SYT1: variants seen among roughly 807,000 people sequenced by gnomAD.
SYT1 encodes synaptotagmin-1.
In SYT1, 8 loss-of-function variants were observed where a neutral mutation model predicts 44.8. That is an observed-to-expected ratio of 0.18 (90% CI 0.10 to 0.32). The LOEUF is 0.32. SYT1 is among the 10% of genes least tolerant of loss of function. The pLI, the probability that SYT1 is intolerant of heterozygous loss-of-function variation, is 1.00. For missense variants in SYT1, 286 were observed against 509.3 expected (o/e 0.56, Z 4.22); for synonymous variants, 154 against 188.8 (o/e 0.82, Z 1.51).
At chr12:79,430,157 G>A (rs1392083230) in intron 9 of SYT1, among the ~76,000 whole-genome samples, 1 of 152,176 alleles carries the variant, frequency 6.6e-6, no homozygotes, top group Non-Finnish European at 1.5e-5. Flanking sequence ...GAAAGATGAT[G>A]TTTAGAATTA....
intron 2 of SYT1, among the ~76,000 whole-genome samples, chr12:78,992,123 C>G (rs1870060801): frequency 6.6e-6 from 1 of 152,154 alleles, no homozygotes; most frequent in Non-Finnish European, 1.5e-5. Context: ...TTTACCTATG[C>G]CCTGCATAGC....
chr12:79,301,209 C>T (rs1880133936), intron 8 of SYT1, among the ~76,000 whole-genome samples: 1 of 152,150 alleles, frequency 6.6e-6, no homozygotes, highest in Non-Finnish European at 1.5e-5. Context: ...AGAACATGAA[C>T]CACTGGTACT....
intron 7 of SYT1, among the ~76,000 whole-genome samples, chr12:79,297,228 T>G (rs1879919036): frequency 6.6e-6 from 1 of 152,306 alleles, no homozygotes; most frequent in East Asian, 1.9e-4. Context: ...GTCAGTAATC[T>G]TATTTAAAAT....
At position 79,092,808 on chromosome 12, in the gene SYT1, T is replaced by C. The variant is rs941952401; in HGVS notation, c.-18+45446T>C. ...GCTATAACTGACTGCAAGATGCTTT[T>C]AGAGAAGAAGCAAAACCACTGTCTG... On this transcript the variant is annotated intron_variant, in intron 3 of 10. Transcript: ENST00000261205. Among the ~76,000 whole-genome samples the C allele has an allele frequency of 2.0e-5, 3 of 151,838 alleles. No homozygotes were observed. In the East Asian group the frequency reaches 5.8e-4, roughly 29 times the overall value.
At position 79,249,088 on chromosome 12, in the gene SYT1, C is replaced by CTTTTTTTTTTTTTTTT. The variant is rs58983623; in HGVS notation, c.166+31415_166+31430dup. Among the ~76,000 whole-genome samples the CTTTTTTTTTTTTTTTT allele has an allele frequency of 3.5e-4, 25 of 71,816 alleles. 7 individuals are homozygous for CTTTTTTTTTTTTTTTT. The highest frequency in any genetic ancestry group is 4.9e-4 in the African/African-American group (8 of 16,216). The allele number at this position is 71,816 out of a possible 152,430, so 47.1% of individuals were successfully genotyped here. ...TATTCCCTCTTCTCTTTACCTCTTTCTTTTTTTTTTTTTTTTTTTTTTTTT... is the reference window on the plus strand; with the variant it reads ...TATTCCCTCTTCTCTTTACCTCTTTCTTTTTTTTTTTTTTTTTTTTTTTTTTTTTTTTTTTTTTTTT... On this transcript the variant is annotated intron_variant, in intron 4 of 10. Coordinates refer to ENST00000261205, the MANE Select transcript of SYT1 (RefSeq NM_005639.3).
chr12:79,195,783 T>A (rs1873416265), intron 3 of SYT1, among the ~76,000 whole-genome samples: 1 of 152,194 alleles, frequency 6.6e-6, no homozygotes, highest in South Asian at 2.1e-4. Context: ...TGGGATAAAC[T>A]AAGGAAGAAA....
intron 3 of SYT1, among the ~76,000 whole-genome samples, chr12:79,091,025 A>G (rs1877739387): frequency 6.6e-6 from 1 of 151,948 alleles, no homozygotes; most frequent in African/African-American, 2.4e-5. Context: ...TGTTTGCTTT[A>G]TTAATATATA....
At chr12:79,426,760 ATATAT>A (rs927211672) in intron 9 of SYT1, among the ~76,000 whole-genome samples, 5 of 152,228 alleles carry the variant, frequency 3.3e-5, no homozygotes, top group Admixed American at 2.0e-4. Context: ...ATTAATGTAA[ATATAT>A]TATGATATGG....
rs182755053 is a variant in SYT1 at position 79,029,620 on chromosome 12, T to A, written c.-83-17677T>A. Among the ~76,000 whole-genome samples the A allele has an allele frequency of 8.8e-4, 133 of 151,286 alleles. 1 individual carries two copies. Among genetic ancestry groups the A allele is most frequent in the Non-Finnish European group, 8.2e-4 (55 of 67,376 alleles). On this transcript the variant is annotated intron_variant, in intron 2 of 10. Transcript: ENST00000261205. ...CATGCATGTAATGTTATTCTCTAGCTAAGGAATCCTGAATGAAATTTTATT... is the reference window on the plus strand; with the variant it reads ...CATGCATGTAATGTTATTCTCTAGCAAAGGAATCCTGAATGAAATTTTATT...
At chr12:78,992,325 G>T (rs745583538) in intron 2 of SYT1, among the ~76,000 whole-genome samples, 1 of 152,284 alleles carries the variant, frequency 6.6e-6, no homozygotes, top group Admixed American at 6.5e-5. Flanking sequence ...GGTAGTTATG[G>T]TTTTTCCCAA....
At chr12:78,900,633 A>T (rs1014405702) in intron 1 of SYT1, among the ~76,000 whole-genome samples, 1 of 152,092 alleles carries the variant, frequency 6.6e-6, no homozygotes. Context: ...GGAGAACTGG[A>T]GGAAGGAAGT....
chr12:79,354,464 A>G (rs1883033319), intron 9 of SYT1, among the ~76,000 whole-genome samples: 1 of 152,220 alleles, frequency 6.6e-6, no homozygotes, highest in Non-Finnish European at 1.5e-5. Context: ...AAAATATTGC[A>G]AACTTCAAAA....
At chr12:79,408,131 GCA>G (rs1447022090) in intron 9 of SYT1, among the ~76,000 whole-genome samples, 4 of 152,110 alleles carry the variant, frequency 2.6e-5, no homozygotes, top group African/African-American at 9.7e-5. Context: ...ACAGGAGATG[GCA>G]GTAGCAGCCA....
At chr12:79,330,882 G>C (rs1408569053) in intron 8 of SYT1, among the ~76,000 whole-genome samples, 22 of 152,108 alleles carry the variant, frequency 1.4e-4, no homozygotes, top group Admixed American at 1.4e-3. Flanking sequence ...TTTGAACCCA[G>C]GAGACTAACT....
At chr12:78,963,977 A>C (rs891230451) in intron 1 of SYT1, 2 of 152,318 alleles carry the variant, frequency 1.3e-5, no homozygotes, top group African/African-American at 4.8e-5. Context: ...ACAATGGACT[A>C]CTGTTCCACT....
At chr12:78,875,931 A>C (rs1874043703) in intron 1 of SYT1, among the ~76,000 whole-genome samples, 1 of 151,550 alleles carries the variant, frequency 6.6e-6, no homozygotes, top group Non-Finnish European at 1.5e-5. Flanking sequence ...AATCTTAATA[A>C]TTCTTTCCCT....
intron 3 of SYT1, among the ~76,000 whole-genome samples, chr12:79,053,014 C>A (rs1254994100): frequency 6.6e-6 from 1 of 152,138 alleles, no homozygotes; most frequent in Non-Finnish European, 1.5e-5. Context: ...TGGGTATACA[C>A]CCAAAGGATT....
intron 1 of SYT1, among the ~76,000 whole-genome samples, chr12:78,967,698 C>T (rs1868280874): frequency 6.6e-6 from 1 of 151,960 alleles, no homozygotes; most frequent in South Asian, 2.1e-4. Context: ...AAATTTGAGT[C>T]TACAGTACAG....
rs374383589 is a variant in SYT1 at position 79,012,131 on chromosome 12, C to CAAA, written c.-84+34216_-84+34218dup. Among the ~76,000 whole-genome samples, 324 of 73,478 alleles carry CAAA rather than the reference C, an allele frequency of 4.4e-3. 2 individuals carry two copies. Among genetic ancestry groups the CAAA allele is most frequent in the African/African-American group, 0.011 (257 of 22,620 alleles). 48.2% of individuals were successfully genotyped at this position (73,478 alleles called of 152,430 possible). A position where few individuals can be genotyped will look rare whatever the true frequency, so the allele number is the denominator to read the frequency against. On this transcript the variant is annotated intron_variant, in intron 2 of 10. Coordinates refer to ENST00000261205, the MANE Select transcript of SYT1 (RefSeq NM_005639.3). Reference sequence around the variant, plus strand: ...TGGGTGACAGAATGAGATTCTGTCTCAAAAAAAAAAAAAAAAAAGGGAGAG... The same window carrying CAAA: ...TGGGTGACAGAATGAGATTCTGTCTCAAAAAAAAAAAAAAAAAAAAAGGGAGAG...
Sources: gnomAD v4.1 joint callset for allele counts (sites outside exome capture counted in the v4.1 genomes callset) on GRCh38, gnomAD v4.1.1 for gene constraint, MANE v1.5 for transcripts, NCBI Gene and HGNC (gene_info 2026-07-23, HGNC 2026-07-21) for gene names.